Variants in CRPPA observed in about 807,000 individuals in gnomAD.
The protein encoded by CRPPA is D-ribitol-5-phosphate cytidylyltransferase.
CRPPA carries 43 observed loss-of-function variants against 52.0 expected under a neutral mutation model. The observed-to-expected ratio is 0.83, with a 90% CI of 0.65 to 1.07. The LOEUF is 1.07. Among genes scored for constraint, CRPPA ranks in the 50% least tolerant of loss-of-function variants. The probability of loss-of-function intolerance (pLI) is 0.00; values close to 1 mark genes in which losing one functional copy is unlikely to be tolerated. For missense variants in CRPPA, 629 were observed against 551.7 expected (o/e 1.14, Z -1.40); for synonymous variants, 250 against 203.5 (o/e 1.23, Z -1.94).
intron 9 of CRPPA, among the ~76,000 whole-genome samples, chr7:16,170,339 G>C (rs1057160526): frequency 1.3e-5 from 2 of 152,184 alleles, no homozygotes; most frequent in Non-Finnish European, 2.9e-5. Context: ...TCACTGACTT[G>C]CAAGAATTAA....
chr7:16,241,971 T>TTTGGG (rs1783123848), intron 8 of CRPPA, among the ~76,000 whole-genome samples: 227 of 85,846 alleles, frequency 2.6e-3, no homozygotes, highest in African/African-American at 3.8e-3. Flanking sequence ...TTTTTTTTGT[T>TTTGGG]GGGGGGAGAT....
At chr7:16,394,969 A>G (rs1787533242) in intron 2 of CRPPA, among the ~76,000 whole-genome samples, 1 of 152,206 alleles carries the variant, frequency 6.6e-6, no homozygotes, top group Non-Finnish European at 1.5e-5. Context: ...TTCTGTTCAC[A>G]AACAAACATG....
chr7:16,358,503 T>A (rs1786363185), intron 3 of CRPPA, among the ~76,000 whole-genome samples: 1 of 152,178 alleles, frequency 6.6e-6, no homozygotes, highest in Non-Finnish European at 1.5e-5. Context: ...GTCAAATCTA[T>A]CCTGCCACCC....
At chr7:16,116,441 G>C (rs1782371659) in intron 9 of CRPPA, among the ~76,000 whole-genome samples, 2 of 152,098 alleles carry the variant, frequency 1.3e-5, no homozygotes, top group Non-Finnish European at 2.9e-5. Flanking sequence ...TAGGCAGGTG[G>C]ATCACCTGAG....
intron 8 of CRPPA, among the ~76,000 whole-genome samples, chr7:16,242,573 G>A (rs1229475396): frequency 1.3e-5 from 2 of 152,026 alleles, no homozygotes; most frequent in South Asian, 2.1e-4. Flanking sequence ...TCAAATCAGG[G>A]CAAAAATTGA....
chr7:16,419,886 G>C (rs1788285611), intron 1 of CRPPA, among the ~76,000 whole-genome samples: 1 of 152,236 alleles, frequency 6.6e-6, no homozygotes, highest in South Asian at 2.1e-4. Flanking sequence ...GTAATAATTT[G>C]ATATGAGACT....
At chr7:16,138,210 G>A (rs999929230) in intron 9 of CRPPA, among the ~76,000 whole-genome samples, 1 of 152,162 alleles carries the variant, frequency 6.6e-6, no homozygotes, top group African/African-American at 2.4e-5. Flanking sequence ...TCTAAAGAAT[G>A]TATGCTGTTT....
intron 9 of CRPPA, among the ~76,000 whole-genome samples, chr7:16,207,674 CTAAT>C (rs1444382136): frequency 6.6e-6 from 1 of 152,182 alleles, no homozygotes; most frequent in Non-Finnish European, 1.5e-5. Context: ...TTTGCAAAGC[CTAAT>C]TATTCAGTTT....
intron 8 of CRPPA, among the ~76,000 whole-genome samples, chr7:16,239,227 A>G (rs1037094062): frequency 1.3e-5 from 2 of 151,858 alleles, no homozygotes; most frequent in South Asian, 2.1e-4. Context: ...ATTCAAAAAC[A>G]TTAAGTAACT....
At position 16,089,516 on chromosome 7, in the gene CRPPA, G is replaced by T. The variant is rs1175242650; in HGVS notation, c.*2179C>A. ...ATATGTACGTACATACATAGATATG[G>T]GTATATATGTACGTACATACATATA... On this transcript the variant is annotated 3_prime_UTR_variant, in exon 10 of 10. Coordinates refer to ENST00000407010, the MANE Select transcript of CRPPA (RefSeq NM_001101426.4). 3.8e-6 allele frequency: 1 copy of T among 263,802 alleles called. No individual in the cohort carries two copies. 16.3% of individuals were successfully genotyped at this position (263,802 alleles called of 1,614,324 possible).
chr7:16,089,318 ACGTATATAAATATATGTGTGTATGCG>A lies in CRPPA; in HGVS notation c.*2351_*2376del. ...TATATACATATATGTGTGTATGCGT[ACGTATATAAATATATGTGTGTATGCG>A]TACGTATATACATACATACATGCAT... On this transcript the variant is annotated 3_prime_UTR_variant, in exon 10 of 10. Transcript: ENST00000407010. 3 of 401,076 alleles carry A rather than the reference ACGTATATAAATATATGTGTGTATGCG, an allele frequency of 7.5e-6. No individual in the cohort carries two copies. Among genetic ancestry groups the A allele is most frequent in the African/African-American group, 6.9e-5 (3 of 43,194 alleles). 24.8% of individuals were successfully genotyped at this position (401,076 alleles called of 1,614,324 possible).
intron 3 of CRPPA, among the ~76,000 whole-genome samples, chr7:16,358,056 G>A (rs1786349388): frequency 6.6e-6 from 1 of 152,212 alleles, no homozygotes; most frequent in Non-Finnish European, 1.5e-5. Context: ...AGGCTGGCAG[G>A]CACAGAGCCA....
intron 9 of CRPPA, among the ~76,000 whole-genome samples, chr7:16,203,120 A>T (rs1351785821): frequency 6.6e-6 from 1 of 152,218 alleles, no homozygotes; most frequent in Non-Finnish European, 1.5e-5. Flanking sequence ...ACCCTTTATA[A>T]TTCCACAGTT....
intron 9 of CRPPA, among the ~76,000 whole-genome samples, chr7:16,150,829 A>G (rs558838679): frequency 4.9e-4 from 75 of 152,312 alleles, no homozygotes; most frequent in Admixed American, 2.9e-3. Flanking sequence ...GTGTCATCCT[A>G]TGGCAGGAGG....
chr7:16,176,296 G>C (rs569127184), intron 9 of CRPPA, among the ~76,000 whole-genome samples: 16 of 152,030 alleles, frequency 1.1e-4, no homozygotes, highest in Non-Finnish European at 2.1e-4. Context: ...TAAACATTAT[G>C]CGTCATTCTA....
intron 9 of CRPPA, among the ~76,000 whole-genome samples, chr7:16,162,847 G>C (rs1473224266): frequency 6.6e-6 from 1 of 152,084 alleles, no homozygotes; most frequent in Non-Finnish European, 1.5e-5. Context: ...CTTGCTTTAT[G>C]AATCTGGGTG....
chr7:16,302,941 G>A (rs1408095777), intron 4 of CRPPA, among the ~76,000 whole-genome samples: 1 of 151,996 alleles, frequency 6.6e-6, no homozygotes, highest in Non-Finnish European at 1.5e-5. Flanking sequence ...TCAGGGTGTT[G>A]GGTTTTTTTA....
chr7:16,356,859 A>G (rs1786308506), intron 3 of CRPPA, among the ~76,000 whole-genome samples: 1 of 152,184 alleles, frequency 6.6e-6, no homozygotes, highest in Non-Finnish European at 1.5e-5. Context: ...ACTGTAAATG[A>G]TGTTTTACAT....
intron 9 of CRPPA, among the ~76,000 whole-genome samples, chr7:16,137,798 C>G (rs1782789752): frequency 6.6e-6 from 1 of 152,110 alleles, no homozygotes; most frequent in Non-Finnish European, 1.5e-5. Flanking sequence ...ACTTAATAAA[C>G]AATTCAGCAC....
Sources: allele counts gnomAD v4.1 joint callset (sites outside exome capture counted in the v4.1 genomes callset), GRCh38; gene constraint gnomAD v4.1.1; transcripts MANE v1.5; gene names NCBI Gene and HGNC (gene_info 2026-07-23, HGNC 2026-07-21).